The following DPYD variants were observed in gnomAD, a reference collection of about 807,000 sequenced individuals.
DPYD encodes the protein dihydropyrimidine dehydrogenase [NADP(+)].
In DPYD, 109 loss-of-function variants were observed where a neutral mutation model predicts 116.2. That is an observed-to-expected ratio of 0.94 (90% CI 0.80 to 1.10). The LOEUF is 1.10. Among genes scored for constraint, DPYD ranks in the 50% least tolerant of loss-of-function variants. The pLI is 0.00. For synonymous variants in DPYD, 440 were observed against 432.0 expected, an observed-to-expected ratio of 1.02 and a Z score of -0.23; for missense variants, 1,302 against 1,254.5, an observed-to-expected ratio of 1.04 and a Z score of -0.57.
chr1:97,728,757 T>C (rs1382398772), intron 4 of DPYD, among the ~76,000 whole-genome samples: 3 of 152,100 alleles, frequency 2.0e-5, no homozygotes, highest in African/African-American at 7.2e-5. Flanking sequence ...TGTACTGATG[T>C]ACATTAATTG....
At chr1:97,450,278 T>C in intron 13 of DPYD, 55 bp from the exon 14 acceptor site, 1 of 1,588,346 alleles carries the variant, frequency 6.3e-7, no homozygotes, top group Non-Finnish European at 8.6e-7. Context: ...AGCTATAATC[T>C]TTATTATCTG....
intron 14 of DPYD, among the ~76,000 whole-genome samples, chr1:97,393,901 C>T (rs1474341453): frequency 6.6e-6 from 1 of 152,122 alleles, no homozygotes; most frequent in Non-Finnish European, 1.5e-5. Flanking sequence ...AGTTTACAGT[C>T]CCACCAACAG....
intron 12 of DPYD, among the ~76,000 whole-genome samples, chr1:97,523,747 C>T (rs774663187): frequency 6.6e-6 from 1 of 152,062 alleles, no homozygotes; most frequent in Non-Finnish European, 1.5e-5. Context: ...GGTGTTAATG[C>T]TTTGAAAATT....
chr1:97,331,880 G>A (rs1205788358), intron 16 of DPYD, among the ~76,000 whole-genome samples: 3 of 152,144 alleles, frequency 2.0e-5, no homozygotes, highest in Non-Finnish European at 2.9e-5. Flanking sequence ...GTTCAGGTCA[G>A]GATGAAAAAT....
Position 97,546,375 on chromosome 1 carries a change from TGAA to T in DPYD, c.1524+3182_1524+3184del, listed in dbSNP as rs574717917. 3.5e-4 allele frequency: 514 copies of T among 1,450,488 alleles called. 3 individuals carry two copies. Among genetic ancestry groups the T allele is most frequent in the African/African-American group, 2.6e-3 (185 of 71,536 alleles). The allele number at this position is 1,450,488 out of a possible 1,614,324, so 89.9% of individuals were successfully genotyped here. On this transcript the variant is annotated intron_variant, in intron 12 of 22. Transcript: ENST00000370192. ...GGAATGAAGCTGCAGTAAAGGAAGA[TGAA>T]GAAGAAGTTTCAGATAAGGGCAGTG...
intron 20 of DPYD, among the ~76,000 whole-genome samples, chr1:97,104,043 C>T (rs551355250): frequency 1.4e-4 from 22 of 152,180 alleles, no homozygotes; most frequent in African/African-American, 4.6e-4. Context: ...TACCGATTAC[C>T]CTCCCTGCCC....
At chr1:97,445,413 AC>A (rs1676019095) in intron 14 of DPYD, among the ~76,000 whole-genome samples, 1 of 152,002 alleles carries the variant, frequency 6.6e-6, no homozygotes, top group African/African-American at 2.4e-5. Context: ...ATGCATTAAG[AC>A]CCCTTCATGC....
chr1:97,523,461 T>C (rs959124122), intron 12 of DPYD, among the ~76,000 whole-genome samples: 3 of 152,118 alleles, frequency 2.0e-5, no homozygotes, highest in African/African-American at 7.2e-5. Flanking sequence ...TGCATTACAC[T>C]TAATTTTTTT....
intron 8 of DPYD, among the ~76,000 whole-genome samples, chr1:97,674,471 C>T (rs7524759): frequency 1.9e-4 from 29 of 152,200 alleles, no homozygotes; most frequent in African/African-American, 6.7e-4. Context: ...CCCTTGCATG[C>T]TTGTTTAACC....
chr1:97,330,808 T>C (rs1256596380), intron 16 of DPYD, among the ~76,000 whole-genome samples: 1 of 152,194 alleles, frequency 6.6e-6, no homozygotes, highest in African/African-American at 2.4e-5. Context: ...GAACTTAAAT[T>C]TTGTCTTTGC....
At chr1:97,595,501 T>C (rs2102260755) in intron 8 of DPYD, among the ~76,000 whole-genome samples, 1 of 152,034 alleles carries the variant, frequency 6.6e-6, no homozygotes, top group South Asian at 2.1e-4. Flanking sequence ...ATAAGTCAGT[T>C]TCAGCTACAT....
chr1:97,507,165 T>C (rs957215987), intron 13 of DPYD, among the ~76,000 whole-genome samples: 3 of 151,958 alleles, frequency 2.0e-5, no homozygotes, highest in Non-Finnish European at 4.4e-5. Context: ...TTCTTTATAA[T>C]TGGAGGATGA....
At chr1:97,303,103 C>T (rs528889832) in intron 18 of DPYD, among the ~76,000 whole-genome samples, 6 of 152,018 alleles carry the variant, frequency 3.9e-5, no homozygotes, top group African/African-American at 1.4e-4. Flanking sequence ...AAAACATAAT[C>T]TTCATTTCAA....
At position 97,527,305 on chromosome 1, in the gene DPYD, C is replaced by T. The variant is rs1337445377; in HGVS notation, c.1525-11364G>A. ...TGTTGGCCAGGATGGTCTTGATTTC[C>T]TGACCTCGTGATCTGCCTGCCTTGG... On this transcript the variant is annotated intron_variant, in intron 12 of 22. Transcript: ENST00000370192. Among the ~76,000 whole-genome samples the T allele has an allele frequency of 2.0e-5, 3 of 152,052 alleles. No homozygotes were observed. The East Asian group carries it at 5.8e-4, about 29-fold the overall frequency.
At chr1:97,500,411 A>T (rs141449684) in intron 13 of DPYD, among the ~76,000 whole-genome samples, 1 of 152,038 alleles carries the variant, frequency 6.6e-6, no homozygotes, top group African/African-American at 2.4e-5. Flanking sequence ...TATTTTTATG[A>T]TTCACAGTGA....
At chr1:97,672,687 A>G (rs1167189493) in intron 8 of DPYD, among the ~76,000 whole-genome samples, 1 of 152,186 alleles carries the variant, frequency 6.6e-6, no homozygotes. Context: ...CTCTGAATAA[A>G]TAGAAAGTAT....
At position 97,621,501 on chromosome 1, in the gene DPYD, T is replaced by C. The variant is rs1012289857; in HGVS notation, c.851-26335A>G. Among the ~76,000 whole-genome samples, 3 of 152,084 alleles carry C rather than the reference T, an allele frequency of 2.0e-5. No homozygotes were observed. In the East Asian group the frequency reaches 5.8e-4, roughly 29 times the overall value. ...ATTAGCATTTTATTCAAAAATCAGC[T>C]ATCTAATAATTAACATATTTGTACA... On this transcript the variant is annotated intron_variant, in intron 8 of 22. Coordinates refer to ENST00000370192, the MANE Select transcript of DPYD (RefSeq NM_000110.4).
At chr1:97,616,738 C>T (rs1359075540) in intron 8 of DPYD, among the ~76,000 whole-genome samples, 2 of 152,172 alleles carry the variant, frequency 1.3e-5, no homozygotes, top group South Asian at 2.1e-4. Flanking sequence ...ATGACTTGTA[C>T]AATATGAAAC....
chr1:97,797,862 C>T (rs957139224), intron 3 of DPYD: 1 of 152,004 alleles, frequency 6.6e-6, no homozygotes, highest in African/African-American at 2.4e-5. Context: ...AGGGATATGA[C>T]TGCATCCTAA....
Sources: gnomAD v4.1 joint callset for allele counts (sites outside exome capture counted in the v4.1 genomes callset) on GRCh38, gnomAD v4.1.1 for gene constraint, MANE v1.5 for transcripts, NCBI Gene and HGNC (gene_info 2026-07-23, HGNC 2026-07-21) for gene names.